Variants in EYA1 observed in about 807,000 individuals in gnomAD.
EYA1 encodes EYA transcriptional coactivator and phosphatase 1.
EYA1 carries 16 observed loss-of-function variants against 82.0 expected under a neutral mutation model. The ratio of observed to expected loss-of-function variants is 0.20; its 90% CI spans 0.13 to 0.30. EYA1 has a LOEUF of 0.30. EYA1 is among the 10% of genes least tolerant of loss of function. The probability of loss-of-function intolerance (pLI) is 1.00; values close to 1 mark genes in which losing one functional copy is unlikely to be tolerated. For synonymous variants in EYA1, 261 were observed against 264.4 expected (o/e 0.99, Z 0.12); for missense variants, 633 against 730.7 (o/e 0.87, Z 1.54).
At chr8:71,278,784 T>C (rs374567041) in intron 9 of EYA1, among the ~76,000 whole-genome samples, 1 of 152,190 alleles carries the variant, frequency 6.6e-6, no homozygotes, top group South Asian at 2.1e-4. Flanking sequence ...TTCACATTTA[T>C]TCTAAGGGTA....
intron 2 of EYA1, among the ~76,000 whole-genome samples, chr8:71,525,695 G>A (rs573795404): frequency 6.6e-6 from 1 of 152,240 alleles, no homozygotes; most frequent in East Asian, 1.9e-4. Flanking sequence ...TAGCCGTGGT[G>A]TTTGTTTTTA....
chr8:71,513,641 C>T (rs1009958467), intron 2 of EYA1, among the ~76,000 whole-genome samples: 1 of 151,926 alleles, frequency 6.6e-6, no homozygotes, highest in Admixed American at 6.6e-5. Context: ...TTAAAATATA[C>T]AATTAAGTTA....
intron 7 of EYA1, among the ~76,000 whole-genome samples, chr8:71,306,982 G>T (rs1820801658): frequency 6.6e-6 from 1 of 152,192 alleles, no homozygotes; most frequent in African/African-American, 2.4e-5. Context: ...GTGGGAGCCA[G>T]AACTGTACTG....
chr8:71,319,371 C>T (rs1057134847), intron 6 of EYA1, among the ~76,000 whole-genome samples: 2 of 152,046 alleles, frequency 1.3e-5, no homozygotes, highest in African/African-American at 4.8e-5. Context: ...ACCTCATGAT[C>T]CGCCCGCCTC....
intron 3 of EYA1, among the ~76,000 whole-genome samples, chr8:71,352,003 G>A (rs548851360): frequency 6.3e-4 from 96 of 152,300 alleles, no homozygotes; most frequent in Admixed American, 2.3e-3. Flanking sequence ...TTGGGCTGCG[G>A]AGAAGTCACT....
intron 2 of EYA1, among the ~76,000 whole-genome samples, chr8:71,398,504 T>G (rs1167007775): frequency 6.6e-6 from 1 of 152,224 alleles, no homozygotes; most frequent in Non-Finnish European, 1.5e-5. Context: ...GTTTTAGTTT[T>G]CCTTCTAACA....
chr8:71,432,208 A>G (rs975785408), intron 2 of EYA1, among the ~76,000 whole-genome samples: 5 of 152,190 alleles, frequency 3.3e-5, no homozygotes, highest in African/African-American at 1.2e-4. Context: ...TTGTATGCAT[A>G]GAACCTAGAG....
intron 2 of EYA1, among the ~76,000 whole-genome samples, chr8:71,450,452 C>T (rs1270806909): frequency 1.3e-5 from 2 of 152,152 alleles, no homozygotes; most frequent in Non-Finnish European, 2.9e-5. Context: ...GAAGTCAGAA[C>T]ACATACATTT....
intron 7 of EYA1, among the ~76,000 whole-genome samples, chr8:71,316,670 T>C (rs927739222): frequency 5.3e-5 from 8 of 152,164 alleles, no homozygotes; most frequent in Admixed American, 2.0e-4. Flanking sequence ...AGCTAAAATA[T>C]ACAAAAACAA....
intron 11 of EYA1, among the ~76,000 whole-genome samples, chr8:71,260,341 T>C (rs1814946292): frequency 6.6e-6 from 1 of 152,230 alleles, no homozygotes; most frequent in Admixed American, 6.5e-5. Context: ...CTTATGGTGT[T>C]CTTACTAAAA....
intron 2 of EYA1, among the ~76,000 whole-genome samples, chr8:71,448,054 G>A (rs1019425319): frequency 1.0e-4 from 13 of 126,296 alleles, no homozygotes; most frequent in African/African-American, 4.2e-4. Flanking sequence ...GCTGCAGTGC[G>A]GTGGCATGAT....
chr8:71,450,708 T>C lies in EYA1; in HGVS notation c.33+85036A>G, dbSNP rs111946848. ...CCTTCTATTCATAAAAACTGTACTA[T>C]CTGCAAAGCACAATAAAGCAGGTGC... On this transcript the variant is annotated intron_variant, in intron 2 of 18. Coordinates refer to the EYA1 transcript ENST00000643681. Among the ~76,000 whole-genome samples the C allele has an allele frequency of 4.2e-3, 636 of 152,228 alleles. 3 individuals are homozygous for C. The highest frequency in any genetic ancestry group is 0.015 in the African/African-American group (606 of 41,536).
At chr8:71,411,671 A>G (rs1830597244) in intron 2 of EYA1, among the ~76,000 whole-genome samples, 1 of 150,686 alleles carries the variant, frequency 6.6e-6, no homozygotes. Flanking sequence ...AATCAAAACC[A>G]CTATGAGATA....
At chr8:71,392,429 C>T (rs1586615774) in intron 2 of EYA1, among the ~76,000 whole-genome samples, 1 of 152,120 alleles carries the variant, frequency 6.6e-6, no homozygotes, top group Non-Finnish European at 1.5e-5. Context: ...GGGCTTACTC[C>T]TATATAAGTT....
intron 7 of EYA1, among the ~76,000 whole-genome samples, chr8:71,305,047 G>A (rs575629600): frequency 7.0e-6 from 1 of 142,950 alleles, no homozygotes; most frequent in African/African-American, 2.5e-5. Flanking sequence ...GACATGACCA[G>A]GATAAAACAG....
At chr8:71,399,431 G>C (rs1829827397) in intron 2 of EYA1, among the ~76,000 whole-genome samples, 1 of 152,130 alleles carries the variant, frequency 6.6e-6, no homozygotes. Context: ...TATGTCTCAA[G>C]TCTGTCTCTT....
intron 14 of EYA1, among the ~76,000 whole-genome samples, chr8:71,215,947 G>C (rs960157732): frequency 6.6e-6 from 1 of 152,160 alleles, no homozygotes; most frequent in Non-Finnish European, 1.5e-5. Flanking sequence ...ATTCCTCTAA[G>C]TGTAGTTTGG....
chr8:71,458,203 T>C (rs1210802954), intron 2 of EYA1, among the ~76,000 whole-genome samples: 1 of 152,164 alleles, frequency 6.6e-6, no homozygotes, highest in Non-Finnish European at 1.5e-5. Context: ...CCGAAGAACT[T>C]TAAGAAACTA....
chr8:71,320,684 T>C (rs1563459607), intron 6 of EYA1, among the ~76,000 whole-genome samples: 2 of 152,146 alleles, frequency 1.3e-5, no homozygotes, highest in Non-Finnish European at 2.9e-5. Context: ...TTTGTATATA[T>C]TTTATAAGAA....
Sources: gnomAD v4.1 joint callset for allele counts (sites outside exome capture counted in the v4.1 genomes callset) on GRCh38, gnomAD v4.1.1 for gene constraint, MANE v1.5 for transcripts, NCBI Gene and HGNC (gene_info 2026-07-23, HGNC 2026-07-21) for gene names.